Variants in LRRC63 observed in about 807,000 individuals in gnomAD.
LRRC63 encodes the protein leucine rich repeat containing 63, also known as leucine-rich repeat-containing protein 63.
In LRRC63, 40 loss-of-function variants were observed where a neutral mutation model predicts 49.5. The observed-to-expected ratio is 0.81, with a 90% confidence interval of 0.63 to 1.05. The LOEUF (loss-of-function observed/expected upper bound fraction) is 1.05, where lower values mean the gene tolerates loss of function less well. LRRC63 is among the 50% of genes least tolerant of loss of function. The pLI is 0.00. For missense variants in LRRC63, 636 were observed against 663.1 expected, an observed-to-expected ratio of 0.96 and a Z score of 0.45; for synonymous variants, 191 against 221.1, an observed-to-expected ratio of 0.86 and a Z score of 1.21.
chr13:46,236,315 C>T (rs1170760009), intron 5 of LRRC63, among the ~76,000 whole-genome samples: 4 of 152,034 alleles, frequency 2.6e-5, no homozygotes. Context: ...TCTATACATC[C>T]AGGAAGCTCA....
At chr13:46,221,259 G>T (rs992209446) in intron 2 of LRRC63, among the ~76,000 whole-genome samples, 1 of 152,160 alleles carries the variant, frequency 6.6e-6, no homozygotes, top group Non-Finnish European at 1.5e-5. Flanking sequence ...GATTTGAATT[G>T]GTTGATAAGA....
At chr13:46,273,691 CA>C (rs1044701097) in intron 9 of LRRC63, among the ~76,000 whole-genome samples, 4 of 150,926 alleles carry the variant, frequency 2.7e-5, no homozygotes, top group Admixed American at 2.0e-4. Flanking sequence ...AGAGGCTGAT[CA>C]CCTGAGGTCA....
intron 5 of LRRC63, among the ~76,000 whole-genome samples, chr13:46,244,802 G>GA (rs1361087062): frequency 6.6e-6 from 1 of 152,034 alleles, no homozygotes; most frequent in East Asian, 1.9e-4. Flanking sequence ...TAGAAGAACA[G>GA]AAACAGATCA....
At chr13:46,276,205 T>C (rs1318265189) in intron 9 of LRRC63, among the ~76,000 whole-genome samples, 1 of 151,242 alleles carries the variant, frequency 6.6e-6, no homozygotes, top group Admixed American at 6.6e-5. Context: ...TTTTAAATGA[T>C]ATATTTATTT....
chr13:46,270,050 A>T, intron 9 of LRRC63: 2 of 541,458 alleles, frequency 3.7e-6, no homozygotes, highest in Non-Finnish European at 6.7e-6. Flanking sequence ...AGTTTAATTT[A>T]TAGGGGTGGT....
At chr13:46,254,618 T>G (rs1036198617) in intron 7 of LRRC63, among the ~76,000 whole-genome samples, 1 of 152,188 alleles carries the variant, frequency 6.6e-6, no homozygotes, top group African/African-American at 2.4e-5. Context: ...ATGAAATAAC[T>G]TCAGATAATC....
chr13:46,224,591 C>T (rs2046513214), intron 2 of LRRC63, among the ~76,000 whole-genome samples: 1 of 152,164 alleles, frequency 6.6e-6, no homozygotes, highest in South Asian at 2.1e-4. Context: ...AGATCTATTA[C>T]TGGAGAATTC....
intron 9 of LRRC63, among the ~76,000 whole-genome samples, chr13:46,271,601 T>C (rs369572529): frequency 2.0e-5 from 3 of 152,132 alleles, no homozygotes; most frequent in South Asian, 2.1e-4. Flanking sequence ...TACTGAAATA[T>C]GCATATTGTA....
chr13:46,234,066 C>T, intron 4 of LRRC63, 126 bp from the exon 5 acceptor site: 1 of 816,250 alleles, frequency 1.2e-6, no homozygotes, highest in Non-Finnish European at 1.8e-6. Flanking sequence ...GGAATCCCTG[C>T]CAGAGGATGT....
chr13:46,270,414 G>A, intron 9 of LRRC63: 1 of 807,464 alleles, frequency 1.2e-6, no homozygotes, highest in South Asian at 1.3e-5. Flanking sequence ...ACTGTATCTA[G>A]TTGTGTTAGA....
chr13:46,270,903 A>G (rs879039071), intron 9 of LRRC63, among the ~76,000 whole-genome samples: 4 of 152,242 alleles, frequency 2.6e-5, no homozygotes, highest in African/African-American at 9.6e-5. Context: ...CTGATTAAAA[A>G]CAAACAAACA....
chr13:46,264,236 T>A (rs1164523512), intron 8 of LRRC63, among the ~76,000 whole-genome samples: 6 of 152,220 alleles, frequency 3.9e-5, no homozygotes, highest in Non-Finnish European at 2.9e-5. Context: ...AAGCTGTCTT[T>A]CCCGGAATTC....
At chr13:46,224,240 C>T (rs1034404410) in intron 2 of LRRC63, among the ~76,000 whole-genome samples, 4 of 152,232 alleles carry the variant, frequency 2.6e-5, no homozygotes, top group South Asian at 4.1e-4. Flanking sequence ...AAAGCCTTTG[C>T]GGATTCTTTT....
exon 10 of LRRC63, chr13:46,276,751 G>A (rs1318130980): frequency 1.6e-5 from 19 of 1,224,280 alleles, no homozygotes; most frequent in South Asian, 4.1e-5. Flanking sequence ...GTTTTAGATG[G>A]TAGTCCTAGT....
chr13:46,224,390 A>G (rs1225895389), intron 2 of LRRC63, among the ~76,000 whole-genome samples: 1 of 152,094 alleles, frequency 6.6e-6, no homozygotes, highest in Non-Finnish European at 1.5e-5. Flanking sequence ...TTAATTCTTC[A>G]GCTCCAGAAT....
At chr13:46,228,774 TA>T in intron 4 of LRRC63, 41 bp downstream of exon 4, 1 of 1,309,146 alleles carries the variant, frequency 7.6e-7, no homozygotes, top group Non-Finnish European at 1.1e-6. Context: ...AAAATGTATG[TA>T]AGATTATATC....
intron 7 of LRRC63, among the ~76,000 whole-genome samples, chr13:46,257,045 A>G (rs926568789): frequency 6.6e-6 from 1 of 152,212 alleles, no homozygotes; most frequent in Non-Finnish European, 1.5e-5. Context: ...CAATCAAATC[A>G]CATGAGCTCT....
chr13:46,267,218 T>G (rs2047695868), intron 9 of LRRC63, among the ~76,000 whole-genome samples: 1 of 152,254 alleles, frequency 6.6e-6, no homozygotes, highest in Non-Finnish European at 1.5e-5. Flanking sequence ...ATGAGTTGTC[T>G]CTATGGCTGT....
intron 2 of LRRC63, among the ~76,000 whole-genome samples, chr13:46,216,961 C>G (rs2046268986): frequency 6.6e-6 from 1 of 152,160 alleles, no homozygotes. Context: ...ATGAAGCCGA[C>G]TTGATTGTGG....
Sources: gnomAD v4.1 joint callset for allele counts (sites outside exome capture counted in the v4.1 genomes callset) on GRCh38, gnomAD v4.1.1 for gene constraint, MANE v1.5 for transcripts, NCBI Gene and HGNC (gene_info 2026-07-23, HGNC 2026-07-21) for gene names.